The following ARIH2 variants were observed in gnomAD, a reference collection of about 807,000 sequenced individuals.
The protein encoded by ARIH2 is E3 ubiquitin-protein ligase ARIH2.
A neutral mutation model predicts 79.8 loss-of-function variants in ARIH2; 12 were observed. The ratio of observed to expected loss-of-function variants is 0.15; its 90% CI spans 0.10 to 0.24. ARIH2 has a LOEUF of 0.24. Among genes scored for constraint, ARIH2 ranks in the 10% least tolerant of loss-of-function variants. The pLI, the probability that ARIH2 is intolerant of heterozygous loss-of-function variation, is 1.00. For synonymous variants in ARIH2, 224 were observed against 213.9 expected (o/e 1.05, Z -0.41); for missense variants, 301 against 618.3 (o/e 0.49, Z 5.44).
chr3:48,948,990 T>C, intron 3 of ARIH2: 1 of 433,684 alleles, frequency 2.3e-6, no homozygotes, highest in Non-Finnish European at 4.7e-6. Flanking sequence ...AATTTTGGGC[T>C]ACTACGCAGT....
intron 7 of ARIH2, among the ~76,000 whole-genome samples, chr3:48,970,191 C>CTTAT (rs5848863): frequency 0.83 from 125,828 of 151,720 alleles, 52,638 homozygotes; most frequent in East Asian, 1. Flanking sequence ...CGCGCCCGGC[C>CTTAT]TTGTTATTTT....
rs1228584455 is a variant in ARIH2 at position 48,984,730 on chromosome 3, C to G, written c.*1460C>G. 1 of 152,222 alleles carries G rather than the reference C, an allele frequency of 6.6e-6. No homozygotes were observed. The highest frequency in any genetic ancestry group is 2.4e-5 in the African/African-American group (1 of 41,464). The allele number at this position is 152,222 out of a possible 1,614,324, so 9.4% of individuals were successfully genotyped here. On this transcript the variant is annotated 3_prime_UTR_variant, in exon 16 of 16. Transcript: ENST00000356401. Reference sequence around the variant, plus strand: ...CTCCAAGTAGAGCTGATACAGAGATCTGTGAATATTGTGATAGAAATTCTT... The same window carrying G: ...CTCCAAGTAGAGCTGATACAGAGATGTGTGAATATTGTGATAGAAATTCTT...
At chr3:48,948,308 G>T (rs996676542) in intron 3 of ARIH2, among the ~76,000 whole-genome samples, 23 of 149,950 alleles carry the variant, frequency 1.5e-4, no homozygotes, top group African/African-American at 5.7e-4. Flanking sequence ...TGCTCTTGTT[G>T]CCCAGGCTGG....
intron 2 of ARIH2, among the ~76,000 whole-genome samples, chr3:48,923,172 A>T (rs921660726): frequency 9.9e-5 from 15 of 151,706 alleles, no homozygotes; most frequent in African/African-American, 3.6e-4. Flanking sequence ...CCGCCACTGC[A>T]CTCCAGCCTG....
chr3:48,955,593 G>C (rs1044793753), intron 3 of ARIH2, among the ~76,000 whole-genome samples: 4 of 152,194 alleles, frequency 2.6e-5, no homozygotes, highest in African/African-American at 9.7e-5. Context: ...TGTTGACTGT[G>C]ATAGATTCTA....
At chr3:48,934,472 C>T in intron 3 of ARIH2, 2 of 985,372 alleles carry the variant, frequency 2.0e-6, no homozygotes, top group Non-Finnish European at 2.4e-6. Context: ...GGGAAAGTAT[C>T]TTCAAGCTGG....
At chr3:48,949,946 T>TA (rs1179865978) in intron 3 of ARIH2, among the ~76,000 whole-genome samples, 1 of 152,096 alleles carries the variant, frequency 6.6e-6, no homozygotes, top group African/African-American at 2.4e-5. Flanking sequence ...TTTCTTTTTT[T>TA]AAAAAATTTT....
Position 48,973,822 on chromosome 3 carries a change from G to A in ARIH2, c.888+6G>A. 1 of 1,604,440 alleles carries A rather than the reference G, an allele frequency of 6.2e-7. No individual in the cohort carries two copies. The highest frequency in any genetic ancestry group is 1.1e-5 in the South Asian group (1 of 90,854). ...TTAGTGCTCACACTAAAGACGTAAG[G>A]ACCGTATTTTACCTCTCATGGATTT... On this transcript the variant is annotated splice_donor_region_variant and intron_variant, in intron 9 of 15. Coordinates refer to ENST00000356401, the MANE Select transcript of ARIH2 (RefSeq NM_006321.4).
At chr3:48,937,787 C>T (rs887565174) in intron 3 of ARIH2, among the ~76,000 whole-genome samples, 2 of 152,024 alleles carry the variant, frequency 1.3e-5, no homozygotes, top group Admixed American at 1.3e-4. Context: ...GTGGCTCACA[C>T]GTGTAATCCC....
At chr3:48,921,437 T>TC (rs1294131972) in intron 1 of ARIH2, 1 of 140,502 alleles carries the variant, frequency 7.1e-6, no homozygotes, top group African/African-American at 2.7e-5. Context: ...ATTTCTTTTT[T>TC]TTTTTTTTTT....
chr3:48,945,161 T>C (rs1236904330), intron 3 of ARIH2: 1 of 1,289,856 alleles, frequency 7.8e-7, no homozygotes, highest in East Asian at 5.5e-5. Context: ...TGCCATCAGC[T>C]GCATCCTCCC....
At chr3:48,948,106 G>A (rs1019375048) in intron 3 of ARIH2, among the ~76,000 whole-genome samples, 1 of 151,592 alleles carries the variant, frequency 6.6e-6, no homozygotes, top group African/African-American at 2.4e-5. Context: ...GACTACAGGC[G>A]CCCACCACCA....
At chr3:48,937,911 G>T (rs2087402691) in intron 3 of ARIH2, among the ~76,000 whole-genome samples, 1 of 151,854 alleles carries the variant, frequency 6.6e-6, no homozygotes, top group South Asian at 2.1e-4. Flanking sequence ...GCCGGTCGTA[G>T]TGGCGGGCGC....
At chr3:48,942,941 G>A (rs776000818) in intron 3 of ARIH2, among the ~76,000 whole-genome samples, 2 of 151,912 alleles carry the variant, frequency 1.3e-5, no homozygotes, top group African/African-American at 2.4e-5. Context: ...GTGAGTCACC[G>A]TGCCTGGCCC....
intron 8 of ARIH2, among the ~76,000 whole-genome samples, chr3:48,972,489 C>G (rs969725101): frequency 5.9e-5 from 9 of 151,958 alleles, no homozygotes; most frequent in African/African-American, 1.9e-4. Flanking sequence ...ACTAAAGATA[C>G]AAAAATTAGC....
intron 3 of ARIH2, among the ~76,000 whole-genome samples, chr3:48,941,878 A>G (rs542579667): frequency 7.2e-6 from 1 of 138,738 alleles, no homozygotes; most frequent in African/African-American, 2.7e-5. Flanking sequence ...CCACCGCCCG[A>G]TTTTTCTTTT....
intron 9 of ARIH2, 192 bp from the exon 10 acceptor site, chr3:48,974,625 C>A: frequency 1.6e-6 from 1 of 625,400 alleles, no homozygotes; most frequent in Non-Finnish European, 2.9e-6. Flanking sequence ...CATTTCAAAG[C>A]TAAATGTGCT....
chr3:48,949,814 G>A (rs1459833145), intron 3 of ARIH2, among the ~76,000 whole-genome samples: 5 of 150,834 alleles, frequency 3.3e-5, no homozygotes, highest in African/African-American at 9.7e-5. Context: ...CCTGTTACCT[G>A]TATCTTTTTT....
intron 3 of ARIH2, among the ~76,000 whole-genome samples, chr3:48,955,515 C>T (rs1407905421): frequency 6.6e-6 from 1 of 152,140 alleles, no homozygotes; most frequent in African/African-American, 2.4e-5. Context: ...GAAAGGTTTT[C>T]TCTTCACAAT....
Sources: gnomAD v4.1 joint callset for allele counts (sites outside exome capture counted in the v4.1 genomes callset) on GRCh38, gnomAD v4.1.1 for gene constraint, MANE v1.5 for transcripts, NCBI Gene and HGNC (gene_info 2026-07-23, HGNC 2026-07-21) for gene names.